AFG2A: variants seen among roughly 807,000 people sequenced by gnomAD.
AFG2A encodes the protein AAA ATPase AFG2A.
chr4:123,119,643 T>TA, the AFG2A span, among the ~76,000 whole-genome samples: 4 of 152,200 alleles, frequency 2.6e-5, no homozygotes, highest in Non-Finnish European at 5.9e-5. Flanking sequence ...TGCTGCAACT[T>TA]ACAGAGCTTT....
At chr4:122,945,800 C>A in the AFG2A span, among the ~76,000 whole-genome samples, 514 of 152,270 alleles carry the variant, frequency 3.4e-3, 3 homozygotes, top group Middle Eastern at 0.014. Context: ...CCTCCCCGAA[C>A]TTTTTGTTTT....
the AFG2A span, among the ~76,000 whole-genome samples, chr4:123,024,170 CAATAAT>C: frequency 7.3e-6 from 1 of 136,996 alleles, no homozygotes; most frequent in Non-Finnish European, 1.6e-5. Flanking sequence ...AGTACAATAA[CAATAAT>C]GAGAAGGTCT....
chr4:122,944,588 C>A, the AFG2A span, among the ~76,000 whole-genome samples: 7 of 152,186 alleles, frequency 4.6e-5, no homozygotes, highest in Admixed American at 4.6e-4. Flanking sequence ...TGAATTTCCT[C>A]CCGTAGCTCG....
chr4:123,025,409 C>G, the AFG2A span, among the ~76,000 whole-genome samples: 1 of 152,200 alleles, frequency 6.6e-6, no homozygotes, highest in Non-Finnish European at 1.5e-5. Flanking sequence ...AGAGCAAGAT[C>G]ACTGTATTTT....
At chr4:123,059,930 T>G in the AFG2A span, among the ~76,000 whole-genome samples, 1 of 152,200 alleles carries the variant, frequency 6.6e-6, no homozygotes, top group African/African-American at 2.4e-5. Context: ...TTTCATGTGT[T>G]TTTTGGCTGC....
At chr4:123,290,000 T>C in the AFG2A span, among the ~76,000 whole-genome samples, 2 of 152,160 alleles carry the variant, frequency 1.3e-5, no homozygotes, top group African/African-American at 4.8e-5. Context: ...TTTATCCTGA[T>C]GCTCTCTCTC....
the AFG2A span, among the ~76,000 whole-genome samples, chr4:122,968,625 A>G: frequency 6.6e-6 from 1 of 152,208 alleles, no homozygotes; most frequent in Non-Finnish European, 1.5e-5. Context: ...ATTATGAGTA[A>G]TGCCATGAAC....
At chr4:123,067,293 C>T in the AFG2A span, among the ~76,000 whole-genome samples, 42 of 151,868 alleles carry the variant, frequency 2.8e-4, no homozygotes, top group East Asian at 3.1e-3. Context: ...CTGAGGCGGG[C>T]GGATCACGAG....
chr4:123,135,649 A>ACGTTTACATAG, the AFG2A span, among the ~76,000 whole-genome samples: 2 of 152,228 alleles, frequency 1.3e-5, no homozygotes, highest in Non-Finnish European at 2.9e-5. Flanking sequence ...TAGTATAACA[A>ACGTTTACATAG]CGTTTACATA....
At chr4:123,063,678 G>A in the AFG2A span, among the ~76,000 whole-genome samples, 6 of 151,914 alleles carry the variant, frequency 3.9e-5, no homozygotes, top group South Asian at 4.2e-4. Context: ...CTCAGGAGGC[G>A]GAGCTTGCAG....
the AFG2A span, among the ~76,000 whole-genome samples, chr4:123,029,868 C>A: frequency 1.3e-5 from 2 of 152,150 alleles, no homozygotes; most frequent in Non-Finnish European, 2.9e-5. Flanking sequence ...AAACTCCTGG[C>A]CTCAAGCAGC....
the AFG2A span, among the ~76,000 whole-genome samples, chr4:123,145,302 T>C: frequency 1.3e-5 from 2 of 151,910 alleles, no homozygotes; most frequent in African/African-American, 4.8e-5. Flanking sequence ...TGTGGACAGA[T>C]ACATCAGGGA....
At chr4:123,109,329 T>C in the AFG2A span, among the ~76,000 whole-genome samples, 1 of 152,158 alleles carries the variant, frequency 6.6e-6, no homozygotes, top group Non-Finnish European at 1.5e-5. Context: ...TGTTTAGAAA[T>C]AAAGTTTTAT....
chr4:123,317,848 A>C, the AFG2A span: 1 of 152,228 alleles, frequency 6.6e-6, no homozygotes, highest in African/African-American at 2.4e-5. Context: ...AAGCATGAAA[A>C]ATATGTGTTT....
the AFG2A span, chr4:123,028,557 TAAG>T: frequency 1.6e-6 from 1 of 614,880 alleles, no homozygotes; most frequent in South Asian, 2.1e-5. Context: ...AGATGAGTGA[TAAG>T]AAATAAATTC....
the AFG2A span, among the ~76,000 whole-genome samples, chr4:123,159,681 T>C: frequency 6.6e-6 from 1 of 152,124 alleles, no homozygotes; most frequent in Non-Finnish European, 1.5e-5. Context: ...GGATATTAAC[T>C]GGAAGGCTGC....
the AFG2A span, among the ~76,000 whole-genome samples, chr4:123,156,245 G>GA: frequency 6.1e-5 from 9 of 147,914 alleles, no homozygotes; most frequent in South Asian, 2.1e-4. Context: ...GTTTTGAACA[G>GA]AAAAAAAAAA....
the AFG2A span, among the ~76,000 whole-genome samples, chr4:123,059,132 TC>T: frequency 7.2e-6 from 1 of 139,096 alleles, no homozygotes; most frequent in South Asian, 2.6e-4. Context: ...TTTTTTCTTT[TC>T]TTTTTTATTT....
the AFG2A span, among the ~76,000 whole-genome samples, chr4:123,222,924 T>A: frequency 6.6e-6 from 1 of 152,236 alleles, no homozygotes; most frequent in Admixed American, 6.5e-5. Flanking sequence ...ACATTTTCTT[T>A]AATCCATTCA....
Sources: allele counts gnomAD v4.1 joint callset (sites outside exome capture counted in the v4.1 genomes callset), GRCh38; gene constraint gnomAD v4.1.1; transcripts MANE v1.5; gene names NCBI Gene and HGNC (gene_info 2026-07-23, HGNC 2026-07-21).